The following SDK1 variants were observed in gnomAD, a reference collection of about 807,000 sequenced individuals.
SDK1 encodes the protein sidekick cell adhesion molecule 1.
In SDK1, 157 loss-of-function variants were observed where a neutral mutation model predicts 245.5. That is an observed-to-expected ratio of 0.64 (90% CI 0.56 to 0.73). The LOEUF is 0.73. SDK1 is among the 30% of genes least tolerant of loss of function. The pLI, the probability that SDK1 is intolerant of heterozygous loss-of-function variation, is 0.00. For synonymous variants in SDK1, 1,647 were observed against 1,278.5 expected (o/e 1.29, Z -6.15); for missense variants, 3,583 against 3,002.3 (o/e 1.19, Z -4.52).
At chr7:3,885,226 G>A (rs768176738) in intron 5 of SDK1, among the ~76,000 whole-genome samples, 2 of 152,140 alleles carry the variant, frequency 1.3e-5, no homozygotes, top group African/African-American at 4.8e-5. Flanking sequence ...GGTTTTGAGC[G>A]AGTGCTATAA....
intron 1 of SDK1, among the ~76,000 whole-genome samples, chr7:3,505,615 C>T (rs926572123): frequency 6.6e-6 from 1 of 152,080 alleles, no homozygotes; most frequent in Non-Finnish European, 1.5e-5. Flanking sequence ...ATATAGTTGG[C>T]CCTTGAAAAC....
Position 3,808,843 on chromosome 7 carries a change from T to C in SDK1, c.714-12607T>C, listed in dbSNP as rs73034466. Among the ~76,000 whole-genome samples the C allele has an allele frequency of 1.9e-3, 288 of 152,220 alleles. 2 individuals carry two copies. Among genetic ancestry groups the C allele is most frequent in the Non-Finnish European group, 3.1e-3 (213 of 68,000 alleles). On this transcript the variant is annotated intron_variant, in intron 4 of 44. Coordinates refer to ENST00000404826, the MANE Select transcript of SDK1 (RefSeq NM_152744.4). ...AATGCCATACCTATCGTAGTAGCGT[T>C]CAGAAAGAAAAAAAAATCATTAAAA...
chr7:3,961,229 A>T (rs554373091), intron 8 of SDK1, among the ~76,000 whole-genome samples: 2 of 152,224 alleles, frequency 1.3e-5, no homozygotes, highest in East Asian at 1.9e-4. Flanking sequence ...AAGTGACATC[A>T]TGTAACTGCT....
chr7:4,195,882 G>A (rs1362728812), intron 35 of SDK1, among the ~76,000 whole-genome samples: 1 of 152,150 alleles, frequency 6.6e-6, no homozygotes, highest in Non-Finnish European at 1.5e-5. Flanking sequence ...GCCCTTGGGA[G>A]GGTGCCTCCA....
At chr7:3,764,267 T>G (rs2114992842) in intron 4 of SDK1, among the ~76,000 whole-genome samples, 1 of 152,292 alleles carries the variant, frequency 6.6e-6, no homozygotes, top group African/African-American at 2.4e-5. Context: ...GAGGAAAGAA[T>G]GAATGCTTTA....
intron 1 of SDK1, among the ~76,000 whole-genome samples, chr7:3,407,803 C>T (rs1002526521): frequency 6.6e-6 from 1 of 152,172 alleles, no homozygotes; most frequent in East Asian, 1.9e-4. Flanking sequence ...GGAGTTCCCA[C>T]TTTTGTGGCA....
chr7:4,154,720 C>A (rs894798096), intron 30 of SDK1, among the ~76,000 whole-genome samples: 1 of 152,162 alleles, frequency 6.6e-6, no homozygotes, highest in Non-Finnish European at 1.5e-5. Context: ...CCGAATACAG[C>A]AAGGCTCTGA....
rs1174625486 is a variant in SDK1, at chr7:3,987,192, G to A, written c.2001G>A (p.Leu667=). The A allele has an allele frequency of 1.4e-5, 22 of 1,614,010 alleles. No individual in the cohort carries two copies. The highest frequency in any genetic ancestry group is 1.9e-5 in the Non-Finnish European group (22 of 1,179,976). ...SRMARLEVIE[L]PHSPQNLLVS... Reference sequence around the variant, plus strand: ...TCATCCCATTCAATTCAAGTGAACTGCCTCATTCACCTCAGAACCTCCTGG... The same window carrying A: ...TCATCCCATTCAATTCAAGTGAACTACCTCATTCACCTCAGAACCTCCTGG... The change falls in exon 14 of 45, where the codon CTG becomes CTA. Residue 667 remains leucine (L), a synonymous_variant. Coordinates refer to ENST00000404826, the MANE Select transcript of SDK1 (RefSeq NM_152744.4).
Position 3,632,584 on chromosome 7 carries a change from C to T in SDK1, c.459-6420C>T, listed in dbSNP as rs11980438. ...TCCCACACAGGGACCTGTTTATTGCCCTTCTCAAGTTAATATGAATTTTGA... is the reference window on the plus strand; with the variant it reads ...TCCCACACAGGGACCTGTTTATTGCTCTTCTCAAGTTAATATGAATTTTGA... On this transcript the variant is annotated intron_variant, in intron 2 of 44. Transcript: ENST00000404826. 4.0e-3 allele frequency among the ~76,000 whole-genome samples: 615 copies of T among 152,194 alleles called. 7 individuals carry two copies. Among genetic ancestry groups the T allele is most frequent in the African/African-American group, 0.014 (575 of 41,530 alleles).
At chr7:3,361,022 T>C (rs572452362) in intron 1 of SDK1, among the ~76,000 whole-genome samples, 3 of 152,334 alleles carry the variant, frequency 2.0e-5, no homozygotes, top group African/African-American at 7.2e-5. Context: ...GTTACATCCA[T>C]CATCTTTCCC....
chr7:3,495,433 A>G (rs1472685808), intron 1 of SDK1, among the ~76,000 whole-genome samples: 2 of 151,186 alleles, frequency 1.3e-5, no homozygotes, highest in Non-Finnish European at 3.0e-5. Flanking sequence ...TAATTTTTGT[A>G]TTTTTAGTAG....
chr7:4,038,892 C>G (rs1042842761), intron 17 of SDK1, among the ~76,000 whole-genome samples: 1 of 152,138 alleles, frequency 6.6e-6, no homozygotes, highest in African/African-American at 2.4e-5. Context: ...CTTCTGATTC[C>G]TTTTTCATTA....
chr7:3,394,091 T>C (rs986927818), intron 1 of SDK1, among the ~76,000 whole-genome samples: 1 of 151,758 alleles, frequency 6.6e-6, no homozygotes, highest in African/African-American at 2.4e-5. Flanking sequence ...AGGTACTGTC[T>C]TGGTAGTCTT....
intron 32 of SDK1, among the ~76,000 whole-genome samples, chr7:4,169,049 C>CGGGGACCTGTTGCTGTGTGGTTGTCA (rs1554250965): frequency 8.5e-5 from 13 of 152,172 alleles, no homozygotes; most frequent in Non-Finnish European, 1.8e-4. Context: ...GAGCCATTAG[C>CGGGGACCTGTTGCTGTGTGGTTGTCA]GGGGACCTGT....
At chr7:3,410,158 G>C (rs1039254099) in intron 1 of SDK1, among the ~76,000 whole-genome samples, 4 of 152,118 alleles carry the variant, frequency 2.6e-5, no homozygotes, top group Non-Finnish European at 4.4e-5. Context: ...TTTGGAAAGA[G>C]GTATTATTGC....
intron 4 of SDK1, among the ~76,000 whole-genome samples, chr7:3,812,769 T>C (rs772765426): frequency 2.2e-4 from 33 of 152,184 alleles, no homozygotes; most frequent in Admixed American, 5.9e-4. Flanking sequence ...GTTTAATGGC[T>C]TTCTCCTCTG....
intron 4 of SDK1, among the ~76,000 whole-genome samples, chr7:3,666,313 AC>A (rs1330087404): frequency 1.3e-5 from 2 of 152,208 alleles, no homozygotes; most frequent in Non-Finnish European, 2.9e-5. Flanking sequence ...TCAGCCTTGT[AC>A]ACTGTCCCAG....
rs576768401 is a variant in SDK1 at position 3,736,576 on chromosome 7, T to C, written c.714-84874T>C. ...CGTGAGCCACCATGCCCGGCCACAT[T>C]AGGGGTTCTTTTTAGCTGCTATCCC... On this transcript the variant is annotated intron_variant, in intron 4 of 44. Transcript: ENST00000404826. Among the ~76,000 whole-genome samples the C allele has an allele frequency of 4.6e-5, 7 of 152,264 alleles. No individual in the cohort carries two copies. The South Asian group carries it at 6.2e-4, about 14-fold the overall frequency.
At chr7:3,524,960 T>C (rs1783071458) in intron 1 of SDK1, among the ~76,000 whole-genome samples, 1 of 152,110 alleles carries the variant, frequency 6.6e-6, no homozygotes, top group African/African-American at 2.4e-5. Flanking sequence ...TGTCTCAGGT[T>C]CCACATGCAC....
Sources: allele counts gnomAD v4.1 joint callset (sites outside exome capture counted in the v4.1 genomes callset), GRCh38; gene constraint gnomAD v4.1.1; transcripts MANE v1.5; gene names NCBI Gene and HGNC (gene_info 2026-07-23, HGNC 2026-07-21).